Variants in MTUS2 observed in about 807,000 individuals in gnomAD.
The protein encoded by MTUS2 is microtubule-associated tumor suppressor candidate 2.
Under a neutral mutation model 114.1 loss-of-function variants are expected in MTUS2, and 40 were observed. That is an observed-to-expected ratio of 0.35 (90% CI 0.27 to 0.46). The LOEUF is 0.46. Ranked by LOEUF, MTUS2 falls within the 20% of genes least tolerant of loss-of-function variation. MTUS2 has a pLI of 1.00. For synonymous variants in MTUS2, 688 were observed against 672.0 expected (o/e 1.02, Z -0.37); for missense variants, 1,679 against 1,705.4 (o/e 0.98, Z 0.27).
Position 29,480,211 on chromosome 13 carries a change from C to A in MTUS2, c.3246C>A (p.Phe1082Leu), listed in dbSNP as rs1396125954. 2 of 1,555,156 alleles carry A rather than the reference C, an allele frequency of 1.3e-6. No homozygotes were observed. The highest frequency in any genetic ancestry group is 2.4e-5 in the South Asian group (2 of 84,278). ...AGAAGGAGGAGCTGGAGAGGCGGTT[C>A]GAGGACGAGGTGAAGAGGCTGGGCT... ...QKEKEELERRFEDEVKRLGWQ... is the reference protein window; with the variant it reads ...QKEKEELERRLEDEVKRLGWQ... Residue 1082 changes from phenylalanine (F) to leucine (L), a missense_variant, in exon 10 of 16, where the codon TTC becomes TTA. Around this residue, in one of 3 missense-constraint regions of MTUS2, gnomAD observed 822 missense variants for 899.7 expected, o/e 0.91. Transcript: ENST00000612955. The surrounding 1 kb of genome is among the most constrained non-coding windows in gnomAD (Gnocchi z 4.4).
intron 5 of MTUS2, among the ~76,000 whole-genome samples, chr13:29,277,687 C>T (rs1898115978): frequency 6.6e-6 from 1 of 152,182 alleles, no homozygotes; most frequent in African/African-American, 2.4e-5. Flanking sequence ...CCCAGCCTCC[C>T]TTGATGGCTT....
intron 2 of MTUS2, among the ~76,000 whole-genome samples, chr13:28,993,889 GTTTATT>G (rs975049640): frequency 4.7e-4 from 71 of 151,792 alleles, no homozygotes; most frequent in Non-Finnish European, 7.2e-4. Context: ...TTATTTTAAT[GTTTATT>G]TTTATTTTTA....
chr13:29,492,568 C>G, intron 11 of MTUS2, 78 bp from the exon 12 acceptor site: 2 of 1,191,800 alleles, frequency 1.7e-6, no homozygotes, highest in Non-Finnish European at 2.5e-6. Flanking sequence ...AGTCACAGGT[C>G]TTAAGTCTGC....
At position 29,087,349 on chromosome 13, in the gene MTUS2, A is replaced by G. The variant is rs190795229; in HGVS notation, c.2447-13424A>G. Among the ~76,000 whole-genome samples, 14 of 152,302 alleles carry G rather than the reference A, an allele frequency of 9.2e-5. No homozygotes were observed. In the East Asian group the frequency reaches 1.4e-3, roughly 15 times the overall value. ...TTTATTGAAAGCTTTTGCTGTGTCTATGAGATTATTATGTGGTTTGTAGTG... is the reference window on the plus strand; with the variant it reads ...TTTATTGAAAGCTTTTGCTGTGTCTGTGAGATTATTATGTGGTTTGTAGTG... On this transcript the variant is annotated intron_variant, in intron 4 of 15. Transcript: ENST00000612955.
At chr13:29,419,784 C>T (rs1198522491) in intron 8 of MTUS2, among the ~76,000 whole-genome samples, 1 of 152,212 alleles carries the variant, frequency 6.6e-6, no homozygotes, top group Non-Finnish European at 1.5e-5. Flanking sequence ...TTAGGCAACA[C>T]TTGAGCTGGG....
At chr13:29,334,797 G>A (rs142516669) in intron 7 of MTUS2, among the ~76,000 whole-genome samples, 40 of 152,072 alleles carry the variant, frequency 2.6e-4, no homozygotes, top group African/African-American at 7.0e-4. Context: ...CTGAAGCCAC[G>A]GCAGAAGAAC....
intron 1 of MTUS2, among the ~76,000 whole-genome samples, chr13:28,827,200 T>C (rs1420665850): frequency 3.3e-5 from 5 of 152,266 alleles, no homozygotes; most frequent in Admixed American, 3.3e-4. Flanking sequence ...TTTCTAAGCC[T>C]GATGCATTTT....
At chr13:29,159,834 C>T (rs956420032) in intron 5 of MTUS2, among the ~76,000 whole-genome samples, 2 of 152,104 alleles carry the variant, frequency 1.3e-5, no homozygotes, top group Admixed American at 6.5e-5. Flanking sequence ...TAGAAAATAG[C>T]GACATCACCA....
chr13:29,317,192 C>G (rs1168626613), intron 6 of MTUS2, among the ~76,000 whole-genome samples: 1 of 152,168 alleles, frequency 6.6e-6, no homozygotes, highest in Non-Finnish European at 1.5e-5. Flanking sequence ...AAATTCCTAG[C>G]TACAATTTCT....
At chr13:28,971,396 A>G (rs528578698) in intron 2 of MTUS2, among the ~76,000 whole-genome samples, 1 of 152,298 alleles carries the variant, frequency 6.6e-6, no homozygotes, top group East Asian at 1.9e-4. Flanking sequence ...AGTACCTAGG[A>G]TATGTCCGAA....
chr13:29,211,601 G>A (rs1895441371), intron 5 of MTUS2, among the ~76,000 whole-genome samples: 1 of 152,134 alleles, frequency 6.6e-6, no homozygotes, highest in South Asian at 2.1e-4. Context: ...GCTTCCCTGG[G>A]GTCTGAGAGT....
In MTUS2 at chr13:29,257,741, T is replaced by G. The variant is rs76042731; in HGVS notation, c.2645-23963T>G. On this transcript the variant is annotated intron_variant, in intron 5 of 15. Coordinates refer to ENST00000612955, the MANE Select transcript of MTUS2 (RefSeq NM_001033602.4). ...ATGTCAGGGACTCTGCTGGATATTT[T>G]AGGTTATTTCTTTTCATTTTTACCA... Among the ~76,000 whole-genome samples the G allele has an allele frequency of 4.4e-3, 677 of 152,366 alleles. 8 individuals carry two copies. The highest frequency in any genetic ancestry group is 0.016 in the African/African-American group (650 of 41,588).
chr13:29,382,948 G>A (rs7997274), intron 8 of MTUS2, among the ~76,000 whole-genome samples: 23,649 of 152,068 alleles, frequency 0.16, 2,646 homozygotes, highest in African/African-American at 0.32. Context: ...AGAGGAGGCA[G>A]TGATACAGCA....
chr13:29,079,989 AT>A (rs1288439937), intron 4 of MTUS2, among the ~76,000 whole-genome samples: 2 of 152,224 alleles, frequency 1.3e-5, no homozygotes, highest in Non-Finnish European at 2.9e-5. Flanking sequence ...TTTGGGGAGT[AT>A]TGCCATCTTA....
intron 2 of MTUS2, among the ~76,000 whole-genome samples, chr13:28,941,610 T>C (rs910099151): frequency 3.9e-5 from 6 of 152,064 alleles, no homozygotes; most frequent in African/African-American, 1.4e-4. Flanking sequence ...ACATTTCTGT[T>C]TTGATATGTT....
chr13:29,004,273 G>A (rs1429377901), intron 2 of MTUS2, among the ~76,000 whole-genome samples: 2 of 152,184 alleles, frequency 1.3e-5, no homozygotes, highest in Non-Finnish European at 2.9e-5. Context: ...CCATGTAAAT[G>A]TAATAAATTG....
chr13:29,367,618 G>C (rs894153256), intron 8 of MTUS2, among the ~76,000 whole-genome samples: 1 of 152,124 alleles, frequency 6.6e-6, no homozygotes, highest in African/African-American at 2.4e-5. Flanking sequence ...GGGACCTGGG[G>C]TCCCGATGGA....
chr13:28,877,646 T>C (rs866515938), intron 2 of MTUS2, among the ~76,000 whole-genome samples: 3 of 152,210 alleles, frequency 2.0e-5, no homozygotes, highest in African/African-American at 7.2e-5. Context: ...TTACTATAAA[T>C]CCTGTGACTA....
chr13:29,363,078 T>C (rs1316412486), intron 8 of MTUS2, among the ~76,000 whole-genome samples: 2 of 148,310 alleles, frequency 1.3e-5, no homozygotes, highest in African/African-American at 5.0e-5. Context: ...CCCCAAGTGG[T>C]GTAGTAATGA....
Sources: gnomAD v4.1 joint callset for allele counts (sites outside exome capture counted in the v4.1 genomes callset) on GRCh38, gnomAD v4.1.1 for gene constraint, gnomAD v4.1.1 regional missense constraint, Gnocchi (gnomAD v3.1) non-coding constraint, MANE v1.5 for transcripts, NCBI Gene and HGNC (gene_info 2026-07-23, HGNC 2026-07-21) for gene names.